Variants in VSIG1 observed in about 807,000 individuals in gnomAD.
The protein encoded by VSIG1 is V-set and immunoglobulin domain-containing protein 1.
In VSIG1, 11 loss-of-function variants were observed where a neutral mutation model predicts 20.1. The ratio of observed to expected loss-of-function variants is 0.55; its 90% CI spans 0.34 to 0.91. VSIG1 has a LOEUF of 0.91. VSIG1 is among the 40% of genes least tolerant of loss of function. The pLI, the probability that VSIG1 is intolerant of heterozygous loss-of-function variation, is 0.02. For missense variants in VSIG1, 283 were observed against 298.8 expected (o/e 0.95, Z 0.39); for synonymous variants, 126 against 116.7 (o/e 1.08, Z -0.52).
chrX:108,066,288 T>C (rs2031123325), intron 2 of VSIG1, among the ~76,000 whole-genome samples: 1 of 111,550 alleles, frequency 9.0e-6, no homozygotes, highest in East Asian at 2.8e-4. Context: ...GTAGCTATCA[T>C]TGGCTGAGCA....
Position 108,072,851 on chromosome X carries a change from A to G in VSIG1, c.568+19A>G, listed in dbSNP as rs1408826162. ...AACTTCAGTAAGTGTAACCTGCAGT[A>G]GACCCTGGAAAGGCCTGGTGTCTGT... On this transcript the variant is annotated intron_variant, in intron 4 of 6. Coordinates refer to ENST00000217957, the MANE Select transcript of VSIG1 (RefSeq NM_182607.5). 1 of 1,205,952 alleles carries G rather than the reference A, an allele frequency of 8.3e-7. No homozygotes were observed.
At chrX:108,066,769 C>A (rs2031136689) in intron 2 of VSIG1, among the ~76,000 whole-genome samples, 167 bp from the exon 3 acceptor site, 1 of 111,894 alleles carries the variant, frequency 8.9e-6, no homozygotes, top group African/African-American at 3.3e-5. Context: ...TGTGAGCAAA[C>A]TAAAGTGCCC....
At chrX:108,076,368 G>A in intron 6 of VSIG1, 150 bp downstream of exon 6, 2 of 725,486 alleles carry the variant, frequency 2.8e-6, no homozygotes, top group Non-Finnish European at 3.9e-6. Flanking sequence ...GAATGATGAT[G>A]GCTGCTATTT....
intron 3 of VSIG1, among the ~76,000 whole-genome samples, chrX:108,068,140 G>A (rs1444395775): frequency 1.8e-5 from 2 of 112,194 alleles, no homozygotes; most frequent in South Asian, 7.5e-4. Context: ...TGCCACTCAG[G>A]TAATGCCACA....
At chrX:108,044,473 TA>T (rs1318197204), upstream of VSIG1, among the ~76,000 whole-genome samples, 1 of 112,025 alleles carries the variant, frequency 8.9e-6, no homozygotes, top group Non-Finnish European at 1.9e-5. Flanking sequence ...ATACGTGCTA[TA>T]AGGTTTCTAA....
intron 1 of VSIG1, among the ~76,000 whole-genome samples, chrX:108,048,472 A>T (rs1258505850): frequency 8.9e-6 from 1 of 112,378 alleles, no homozygotes; most frequent in Admixed American, 9.4e-5. Flanking sequence ...CCACATATGC[A>T]TTTTTGTTTT....
chrX:108,073,345 T>C lies in VSIG1; in HGVS notation c.664T>C (p.Cys222Arg), dbSNP rs1366780035. The C allele has an allele frequency of 1.4e-5, 17 of 1,210,992 alleles. No individual in the cohort carries two copies. Among genetic ancestry groups the C allele is most frequent in the Non-Finnish European group, 1.8e-5 (16 of 895,089 alleles). ...TAINRLGNSS[C>R]EIDLTSSHPE... ...CATCAACAGACTTGGCAATAGTTCC[T>C]GCGAAATCGATCTCACTTCTTCACG... Residue 222 changes from cysteine to arginine, a missense_variant, in exon 5 of 7, where the codon TGC becomes CGC. By Grantham distance (180) the Cys-to-Arg change is radical. Transcript: ENST00000217957.
At chrX:108,051,172 G>A (rs1256148907) in intron 1 of VSIG1, among the ~76,000 whole-genome samples, 2 of 110,855 alleles carry the variant, frequency 1.8e-5, no homozygotes, top group African/African-American at 6.6e-5. Context: ...TAGAGATATC[G>A]AGGTGGGAGG....
chrX:108,019,569 C>T, the VSIG1 span, among the ~76,000 whole-genome samples: 5 of 112,013 alleles, frequency 4.5e-5, no homozygotes, highest in African/African-American at 1.6e-4. Context: ...CCTTGGCCCA[C>T]AGTGTCTGCA....
chrX:108,067,211 A>G, intron 3 of VSIG1, 77 bp downstream of exon 3: 1 of 1,034,142 alleles, frequency 9.7e-7, no homozygotes, highest in Non-Finnish European at 1.3e-6. Flanking sequence ...GTGAGTTATG[A>G]TGCCAATTAA....
At chrX:108,043,368 G>A (rs1196385010), upstream of VSIG1, among the ~76,000 whole-genome samples, 3 of 111,818 alleles carry the variant, frequency 2.7e-5, no homozygotes, top group African/African-American at 9.8e-5. Context: ...CTTGGGACAC[G>A]CTCATTTTAA....
chrX:108,052,630 C>T (rs1239350664), intron 1 of VSIG1, among the ~76,000 whole-genome samples: 2 of 110,594 alleles, frequency 1.8e-5, no homozygotes, highest in Non-Finnish European at 3.8e-5. Flanking sequence ...CAAAACAAAA[C>T]AGAACAAAAA....
At chrX:108,070,213 G>GTTTTTTC (rs957724613) in intron 3 of VSIG1, among the ~76,000 whole-genome samples, 1 of 112,117 alleles carries the variant, frequency 8.9e-6, no homozygotes, top group Non-Finnish European at 1.9e-5. Flanking sequence ...GAAGCACTTT[G>GTTTTTTC]TTTTTTCTTT....
At chrX:108,051,381 C>T (rs1239126489) in intron 1 of VSIG1, among the ~76,000 whole-genome samples, 1 of 111,433 alleles carries the variant, frequency 9.0e-6, no homozygotes, top group African/African-American at 3.3e-5. Flanking sequence ...CTCCTTCAGG[C>T]GATATGATCT....
chrX:108,020,486 C>G, the VSIG1 span, among the ~76,000 whole-genome samples: 1 of 111,629 alleles, frequency 9.0e-6, no homozygotes, highest in East Asian at 2.8e-4. Context: ...ATATCATCAT[C>G]TAATTAGGGT....
At chrX:108,048,512 A>C (rs2030716503) in intron 1 of VSIG1, among the ~76,000 whole-genome samples, 1 of 112,366 alleles carries the variant, frequency 8.9e-6, no homozygotes, top group Non-Finnish European at 1.9e-5. Context: ...TCAGAGAGGG[A>C]CATTGCGTTC....
At chrX:108,025,198 G>T in the VSIG1 span, among the ~76,000 whole-genome samples, 1 of 111,904 alleles carries the variant, frequency 8.9e-6, no homozygotes, top group Admixed American at 9.5e-5. Context: ...CAATGGAAAC[G>T]TATCTTTTGG....
the VSIG1 span, among the ~76,000 whole-genome samples, chrX:108,032,638 G>T: frequency 1.8e-5 from 2 of 111,705 alleles, no homozygotes; most frequent in Non-Finnish European, 3.8e-5. Context: ...AAGAGAGGGA[G>T]CAAAACCCTA....
At chrX:108,075,942 G>A (rs772965867) in intron 5 of VSIG1, 135 bp from the exon 6 acceptor site, 8 of 719,107 alleles carry the variant, frequency 1.1e-5, no homozygotes, top group Middle Eastern at 3.6e-4. Flanking sequence ...GAGTTCTAGG[G>A]GTTTCCATTT....
Sources: allele counts gnomAD v4.1 joint callset (sites outside exome capture counted in the v4.1 genomes callset), GRCh38; gene constraint gnomAD v4.1.1; transcripts MANE v1.5; gene names NCBI Gene and HGNC (gene_info 2026-07-23, HGNC 2026-07-21).